PTPRD: variants seen among roughly 807,000 people sequenced by gnomAD.
The protein encoded by PTPRD is receptor-type tyrosine-protein phosphatase delta.
A neutral mutation model predicts 214.5 loss-of-function variants in PTPRD; 34 were observed. The ratio of observed to expected loss-of-function variants is 0.16; its 90% CI spans 0.12 to 0.21. The LOEUF (loss-of-function observed/expected upper bound fraction) is 0.21, where lower values mean the gene tolerates loss of function less well. Among genes scored for constraint, PTPRD ranks in the 10% least tolerant of loss-of-function variants. The probability of loss-of-function intolerance (pLI) is 1.00; values close to 1 mark genes in which losing one functional copy is unlikely to be tolerated. For missense variants in PTPRD, 2,545 were observed against 2,398.7 expected (o/e 1.06, Z -1.27); for synonymous variants, 1,128 against 845.7 (o/e 1.33, Z -5.79).
At chr9:8,813,261 G>C (rs1350090390) in intron 11 of PTPRD, among the ~76,000 whole-genome samples, 1 of 146,592 alleles carries the variant, frequency 6.8e-6, no homozygotes, top group African/African-American at 2.6e-5. Context: ...CATTGAGGAA[G>C]GGCGGGGGGG....
rs187747033 is a variant in PTPRD at position 9,345,233 on chromosome 9, T to C, written c.-203+52216A>G. ...ATAATTACTTGCACTTAGAGATATA[T>C]TATTTCTTAAAATTTTAAATATTAA... On this transcript the variant is annotated intron_variant, in intron 9 of 45. Coordinates refer to ENST00000381196, the MANE Select transcript of PTPRD (RefSeq NM_002839.4). Among the ~76,000 whole-genome samples, 263 of 152,212 alleles carry C rather than the reference T, an allele frequency of 1.7e-3. 1 individual carries two copies. The highest frequency in any genetic ancestry group is 6.1e-3 in the African/African-American group (252 of 41,546).
chr9:9,356,224 TG>T (rs1441978291), intron 9 of PTPRD, among the ~76,000 whole-genome samples: 23 of 151,390 alleles, frequency 1.5e-4, no homozygotes, highest in African/African-American at 1.7e-4. Flanking sequence ...ATTTTGTGTA[TG>T]TTTTTTTAAT....
chr9:10,068,241 G>A (rs2097919339), intron 3 of PTPRD, among the ~76,000 whole-genome samples: 1 of 151,694 alleles, frequency 6.6e-6, no homozygotes, highest in Admixed American at 6.6e-5. Context: ...TCTGCCATTT[G>A]CTGGATAACC....
At chr9:9,694,268 T>G (rs1363434548) in intron 7 of PTPRD, among the ~76,000 whole-genome samples, 1 of 151,796 alleles carries the variant, frequency 6.6e-6, no homozygotes. Flanking sequence ...ATGCAAAGGG[T>G]CTTGAACCCC....
intron 11 of PTPRD, among the ~76,000 whole-genome samples, chr9:8,814,386 AGAG>A (rs1212568313): frequency 6.6e-6 from 1 of 152,184 alleles, no homozygotes; most frequent in African/African-American, 2.4e-5. Context: ...TGAAGGAAAC[AGAG>A]GAGGGTGAGA....
intron 14 of PTPRD, among the ~76,000 whole-genome samples, chr9:8,614,264 C>G (rs72698229): frequency 0.085 from 12,936 of 152,112 alleles, 757 homozygotes; most frequent in Non-Finnish European, 0.11. Flanking sequence ...TGATTTCAGC[C>G]ATTTCATACA....
intron 3 of PTPRD, among the ~76,000 whole-genome samples, chr9:10,228,266 G>A (rs2099595919): frequency 6.6e-6 from 1 of 152,008 alleles, no homozygotes; most frequent in South Asian, 2.1e-4. Flanking sequence ...CCTCAAGGAA[G>A]CTTTCCTGTT....
chr9:8,433,564 C>A (rs941625402), intron 35 of PTPRD, among the ~76,000 whole-genome samples: 13 of 152,104 alleles, frequency 8.5e-5, no homozygotes, highest in Admixed American at 2.0e-4. Flanking sequence ...ATGATTCTGA[C>A]TCTGTGTAGG....
intron 11 of PTPRD, among the ~76,000 whole-genome samples, chr9:8,926,193 C>T (rs1373204670): frequency 1.3e-5 from 2 of 152,018 alleles, no homozygotes; most frequent in East Asian, 1.9e-4. Flanking sequence ...TTTCATTTTC[C>T]TGCTGCCAAG....
At chr9:8,993,279 T>C (rs1472933828) in intron 11 of PTPRD, among the ~76,000 whole-genome samples, 2 of 152,138 alleles carry the variant, frequency 1.3e-5, no homozygotes, top group Non-Finnish European at 2.9e-5. Context: ...ATTTCCTCAT[T>C]TGTAGAATGA....
chr9:9,968,818 A>C (rs1237944833), intron 4 of PTPRD, among the ~76,000 whole-genome samples: 2 of 152,182 alleles, frequency 1.3e-5, no homozygotes, highest in Admixed American at 6.5e-5. Context: ...AGAGAACGAG[A>C]AAGGAAAGAA....
At chr9:9,848,448 C>T (rs573045914) in intron 5 of PTPRD, among the ~76,000 whole-genome samples, 5 of 152,176 alleles carry the variant, frequency 3.3e-5, no homozygotes, top group African/African-American at 1.2e-4. Context: ...GGGATAATGA[C>T]ATTTATCCAT....
At chr9:8,761,842 T>A (rs2094434456) in intron 11 of PTPRD, among the ~76,000 whole-genome samples, 2 of 152,140 alleles carry the variant, frequency 1.3e-5, no homozygotes, top group Non-Finnish European at 2.9e-5. Context: ...AAGATGAGAT[T>A]ACAGTTTTAG....
chr9:8,478,469 T>C (rs2096812030), intron 30 of PTPRD, among the ~76,000 whole-genome samples: 1 of 152,194 alleles, frequency 6.6e-6, no homozygotes. Context: ...ACGGTTGTTA[T>C]AAAATTAATT....
At chr9:8,810,123 C>A (rs2096771531) in intron 11 of PTPRD, among the ~76,000 whole-genome samples, 1 of 152,090 alleles carries the variant, frequency 6.6e-6, no homozygotes, top group South Asian at 2.1e-4. Flanking sequence ...TATAACAATC[C>A]AATTAATCAA....
chr9:8,825,632 G>A (rs1173307226), intron 11 of PTPRD, among the ~76,000 whole-genome samples: 1 of 152,140 alleles, frequency 6.6e-6, no homozygotes, highest in Non-Finnish European at 1.5e-5. Context: ...TGGTGAGTTC[G>A]CAGTGTAAAG....
intron 14 of PTPRD, among the ~76,000 whole-genome samples, chr9:8,625,425 T>A (rs2095991921): frequency 6.6e-6 from 1 of 151,848 alleles, no homozygotes; most frequent in Non-Finnish European, 1.5e-5. Flanking sequence ...GAACTATGTA[T>A]GCCGATACTT....
intron 11 of PTPRD, among the ~76,000 whole-genome samples, chr9:8,752,285 G>A (rs1185179476): frequency 6.6e-6 from 1 of 152,126 alleles, no homozygotes; most frequent in Non-Finnish European, 1.5e-5. Flanking sequence ...CCAAAACCAA[G>A]ATGGCCATGA....
chr9:8,359,115 A>C (rs1014138799), intron 39 of PTPRD, among the ~76,000 whole-genome samples: 4 of 15,376 alleles, frequency 2.6e-4, no homozygotes, highest in Non-Finnish European at 8.5e-4. Flanking sequence ...CTCAAAAAAA[A>C]AAAAAAACAA....
Sources: allele counts gnomAD v4.1 joint callset (sites outside exome capture counted in the v4.1 genomes callset), GRCh38; gene constraint gnomAD v4.1.1; transcripts MANE v1.5; gene names NCBI Gene and HGNC (gene_info 2026-07-23, HGNC 2026-07-21).